CCNH: variants seen among roughly 807,000 people sequenced by gnomAD.
CCNH encodes cyclin H.
CCNH carries 31 observed loss-of-function variants against 41.9 expected under a neutral mutation model. The observed-to-expected ratio is 0.74, with a 90% CI of 0.56 to 1.00. CCNH has a LOEUF of 1.00. CCNH is among the 50% of genes least tolerant of loss of function. The pLI is 0.00. For missense variants in CCNH, 362 were observed against 388.4 expected, an observed-to-expected ratio of 0.93 and a Z score of 0.57; for synonymous variants, 138 against 136.1, an observed-to-expected ratio of 1.01 and a Z score of -0.10.
At chr5:87,339,170 A>G (rs529379517) in intron 9 of CCNH, among the ~76,000 whole-genome samples, 2 of 152,200 alleles carry the variant, frequency 1.3e-5, no homozygotes, top group East Asian at 3.9e-4. Context: ...TGCAGTGGAG[A>G]ATATTGTTTT....
downstream of CCNH, among the ~76,000 whole-genome samples, chr5:87,314,097 C>T (rs775375317): frequency 8.5e-4 from 130 of 152,244 alleles, no homozygotes; most frequent in African/African-American, 3.0e-3. Context: ...CGCTTGAACC[C>T]GGGACGTGGA....
chr5:87,411,632 T>C (rs956096549), intron 1 of CCNH, among the ~76,000 whole-genome samples: 1 of 152,166 alleles, frequency 6.6e-6, no homozygotes, highest in South Asian at 2.1e-4. Flanking sequence ...ATGCTCACAG[T>C]TGTGATATCA....
At chr5:87,314,895 A>G (rs1347419716), downstream of CCNH, among the ~76,000 whole-genome samples, 1 of 152,224 alleles carries the variant, frequency 6.6e-6, no homozygotes, top group Non-Finnish European at 1.5e-5. Context: ...CTGGATGAGT[A>G]TGACAGATAT....
intron 9 of CCNH, among the ~76,000 whole-genome samples, chr5:87,332,057 C>T (rs1757640295): frequency 6.6e-6 from 1 of 151,836 alleles, no homozygotes. Flanking sequence ...TTTGTGTACC[C>T]TTGGTTTTTA....
intron 9 of CCNH, chr5:87,331,377 T>A: frequency 6.2e-7 from 1 of 1,612,260 alleles, no homozygotes; most frequent in Non-Finnish European, 8.5e-7. Context: ...GACAGAACGA[T>A]AGCAGAAGAA....
At chr5:87,324,386 T>A (rs942720252) in intron 9 of CCNH, among the ~76,000 whole-genome samples, 1 of 152,192 alleles carries the variant, frequency 6.6e-6, no homozygotes, top group Non-Finnish European at 1.5e-5. Flanking sequence ...ACTAGGGTGA[T>A]GGGAGTTAAA....
intron 9 of CCNH, among the ~76,000 whole-genome samples, chr5:87,352,254 T>G (rs576689573): frequency 1.3e-5 from 2 of 151,760 alleles, no homozygotes; most frequent in South Asian, 2.1e-4. Flanking sequence ...ATTACTTATA[T>G]TTGGTTTAAA....
intron 3 of CCNH, 68 bp from the exon 4 acceptor site, chr5:87,408,254 A>G: frequency 2.8e-6 from 2 of 707,878 alleles, no homozygotes; most frequent in Non-Finnish European, 2.3e-6. Context: ...ATATACTTTG[A>G]GAAGTATCTA....
In CCNH at chr5:87,363,593, A is replaced by G. The variant is rs1412632435; in HGVS notation, c.*90+29177T>C. 9.7e-6 allele frequency: 14 copies of G among 1,436,360 alleles called. No homozygotes were observed. In the East Asian group the frequency reaches 3.0e-4, roughly 31 times the overall value. The allele number at this position is 1,436,360 out of a possible 1,614,324, so 89.0% of individuals were successfully genotyped here. A position where few individuals can be genotyped will look rare whatever the true frequency, so the allele number is the denominator to read the frequency against. On this transcript the variant is annotated intron_variant and NMD_transcript_variant, in intron 9 of 9. Coordinates refer to the CCNH transcript ENST00000645953. ...GCAAACCAATTTTGAGAGCCCTAAA[A>G]TCATCTTCTAAAAGTAGCAGATGCA...
chr5:87,353,975 A>G (rs1341366518), intron 9 of CCNH, among the ~76,000 whole-genome samples: 1 of 152,122 alleles, frequency 6.6e-6, no homozygotes, highest in Non-Finnish European at 1.5e-5. Context: ...CTAAGTGGAA[A>G]ATGGAGGTAC....
intron 9 of CCNH, among the ~76,000 whole-genome samples, chr5:87,340,214 A>G (rs1022549542): frequency 6.6e-6 from 1 of 152,122 alleles, no homozygotes; most frequent in Non-Finnish European, 1.5e-5. Context: ...TTATGAGCTC[A>G]GTTCATATGT....
intron 9 of CCNH, chr5:87,353,205 A>T (rs754723063): frequency 6.2e-7 from 1 of 1,609,972 alleles, no homozygotes; most frequent in Non-Finnish European, 8.5e-7. Context: ...TTGTTGAAGG[A>T]TATTATCTTA....
chr5:87,319,904 T>C (rs1033037941), intron 9 of CCNH, among the ~76,000 whole-genome samples: 3 of 152,218 alleles, frequency 2.0e-5, no homozygotes, highest in Non-Finnish European at 4.4e-5. Context: ...TAAACATAAG[T>C]TCCAATTTCA....
chr5:87,324,311 A>G (rs1431676085), intron 9 of CCNH, among the ~76,000 whole-genome samples: 4 of 152,102 alleles, frequency 2.6e-5, no homozygotes, highest in African/African-American at 7.2e-5. Flanking sequence ...CTCTTTCAAC[A>G]TTTGATCAGT....
intron 9 of CCNH, chr5:87,341,420 G>T (rs1050401507): frequency 4.1e-6 from 3 of 725,736 alleles, no homozygotes; most frequent in Non-Finnish European, 5.9e-6. Context: ...TAAGGTTTTG[G>T]ACTGACTTAA....
intron 9 of CCNH, chr5:87,363,559 A>G: frequency 6.4e-7 from 1 of 1,571,196 alleles, no homozygotes. Flanking sequence ...ATAAAATAGT[A>G]CAAACAAAGC....
downstream of CCNH, among the ~76,000 whole-genome samples, chr5:87,317,161 G>A (rs1029701982): frequency 2.6e-5 from 4 of 152,166 alleles, no homozygotes; most frequent in African/African-American, 9.7e-5. Context: ...GGGATTACAG[G>A]TGTGAGCCAC....
exon 1 of CCNH, chr5:87,376,783 A>AAT (rs1429066077): frequency 2.3e-6 from 3 of 1,324,584 alleles, no homozygotes; most frequent in Non-Finnish European, 3.2e-6. Flanking sequence ...CATCATTTTA[A>AAT]ATATAAGAAC....
intron 9 of CCNH, among the ~76,000 whole-genome samples, chr5:87,384,418 G>A (rs1473354178): frequency 6.6e-6 from 1 of 152,054 alleles, no homozygotes; most frequent in Non-Finnish European, 1.5e-5. Flanking sequence ...TAAACAGTAG[G>A]AACTGGAACC....
Sources: allele counts gnomAD v4.1 joint callset (sites outside exome capture counted in the v4.1 genomes callset), GRCh38; gene constraint gnomAD v4.1.1; transcripts MANE v1.5; gene names NCBI Gene and HGNC (gene_info 2026-07-23, HGNC 2026-07-21).